ZNF529: variants seen among roughly 807,000 people sequenced by gnomAD.
The protein encoded by ZNF529 is zinc finger protein 529.
A neutral mutation model predicts 10.1 loss-of-function variants in ZNF529; 11 were observed. The observed-to-expected ratio is 1.09, with a 90% confidence interval of 0.69 to 1.81. The LOEUF (loss-of-function observed/expected upper bound fraction) is 1.81, where lower values mean the gene tolerates loss of function less well. ZNF529 is among the 40% of genes most tolerant of loss of function. The pLI is 0.00. For synonymous variants in ZNF529, 204 were observed against 215.7 expected (o/e 0.95, Z 0.47); for missense variants, 624 against 666.8 (o/e 0.94, Z 0.71).
chr19:36,567,448 T>A (rs979686552), intron 2 of ZNF529, among the ~76,000 whole-genome samples: 1 of 151,226 alleles, frequency 6.6e-6, no homozygotes, highest in African/African-American at 2.4e-5. Flanking sequence ...AATGGATTCT[T>A]TTTTTTTTGA....
In ZNF529 at chr19:36,546,986, A is replaced by G. The variant is rs1240724679; in HGVS notation, c.1572T>C (p.His524=). ...GTTTATCATCAGTATGAATGCGCTG[A>G]TGTTTGGTAAAGGATGAACTATGTC... ...AFRHSSSFTK[H]QRIHTDDKPY... The change falls in exon 5 of 5, where the codon CAT becomes CAC. Residue 524 remains histidine (H), a synonymous_variant. Transcript: ENST00000591340. 1 of 1,613,910 alleles carries G rather than the reference A, an allele frequency of 6.2e-7. No homozygotes were observed. The highest frequency in any genetic ancestry group is 8.5e-7 in the Non-Finnish European group (1 of 1,179,956).
At chr19:36,581,431 A>G (rs940503515) in intron 2 of ZNF529, 1 of 152,264 alleles carries the variant, frequency 6.6e-6, no homozygotes, top group Non-Finnish European at 1.5e-5. Context: ...AGAAATTCAT[A>G]GCAGCATTAT....
intron 1 of ZNF529, among the ~76,000 whole-genome samples, chr19:36,596,861 C>G (rs1157392152): frequency 6.6e-6 from 1 of 151,950 alleles, no homozygotes; most frequent in African/African-American, 2.4e-5. Flanking sequence ...AAAAGTGTGT[C>G]AGCTACTAAA....
At chr19:36,564,097 T>C (rs1335738956) in intron 2 of ZNF529, among the ~76,000 whole-genome samples, 1 of 152,150 alleles carries the variant, frequency 6.6e-6, no homozygotes, top group Non-Finnish European at 1.5e-5. Context: ...TTTCAACATA[T>C]ACAAAAATTA....
In ZNF529 at chr19:36,544,000, A is replaced by G. The variant is rs1241807514; in HGVS notation, c.*2866T>C. ...CATTAAATTGAATTCCTTCAAGGAC[A>G]TATAAAATTTAATGGTGCAGGACAG... On this transcript the variant is annotated 3_prime_UTR_variant, in exon 5 of 5. Coordinates refer to ENST00000591340, the MANE Select transcript of ZNF529 (RefSeq NM_020951.5). The G allele has an allele frequency of 6.6e-6, 1 of 151,994 alleles. No individual in the cohort carries two copies. The highest frequency in any genetic ancestry group is 1.5e-5 in the Non-Finnish European group (1 of 68,016). The allele number at this position is 151,994 out of a possible 1,614,324, so 9.4% of individuals were successfully genotyped here. A position where few individuals can be genotyped will look rare whatever the true frequency, so the allele number is the denominator to read the frequency against.
At chr19:36,560,257 CAAAAAAA>C (rs58196878) in intron 2 of ZNF529, among the ~76,000 whole-genome samples, 34 of 104,330 alleles carry the variant, frequency 3.3e-4, no homozygotes, top group South Asian at 9.2e-4. Context: ...AACTCCGTCT[CAAAAAAA>C]AAAAAAAAAA....
At chr19:36,588,734 G>A (rs2036636587) in intron 2 of ZNF529, among the ~76,000 whole-genome samples, 1 of 152,142 alleles carries the variant, frequency 6.6e-6, no homozygotes, top group African/African-American at 2.4e-5. Context: ...GCAAGAAGTG[G>A]GGAGAGAAGA....
At chr19:36,567,155 A>G (rs905035104) in intron 2 of ZNF529, among the ~76,000 whole-genome samples, 2 of 152,218 alleles carry the variant, frequency 1.3e-5, no homozygotes, top group Non-Finnish European at 2.9e-5. Context: ...AGATATATTC[A>G]TCAATGGAAT....
At chr19:36,554,824 G>A in intron 3 of ZNF529, 28 bp from the exon 4 acceptor site, 2 of 1,490,254 alleles carry the variant, frequency 1.3e-6, no homozygotes, top group Non-Finnish European at 9.0e-7. Flanking sequence ...TACATTACAG[G>A]TAAAATTTAA....
intron 2 of ZNF529, among the ~76,000 whole-genome samples, chr19:36,562,501 T>G (rs571191790): frequency 5.4e-4 from 82 of 152,094 alleles, no homozygotes; most frequent in Non-Finnish European, 7.8e-4. Context: ...ATGTAACATG[T>G]CCTCTCCAAA....
chr19:36,571,675 CAAA>C (rs5827961), intron 2 of ZNF529, among the ~76,000 whole-genome samples: 8 of 134,824 alleles, frequency 5.9e-5, no homozygotes, highest in Non-Finnish European at 7.9e-5. Flanking sequence ...AACTCTGTCT[CAAA>C]AAAAAAAAAA....
At chr19:36,553,930 T>C (rs2035358752) in intron 4 of ZNF529, among the ~76,000 whole-genome samples, 1 of 152,220 alleles carries the variant, frequency 6.6e-6, no homozygotes, top group African/African-American at 2.4e-5. Flanking sequence ...AGTCTATGTG[T>C]ATAAAGTGTA....
chr19:36,577,453 G>C (rs2036352833), upstream of ZNF529: 1 of 169,952 alleles, frequency 5.9e-6, no homozygotes, highest in Non-Finnish European at 1.3e-5. Flanking sequence ...CAGAGGAATG[G>C]GAGTAATCTG....
intron 2 of ZNF529, among the ~76,000 whole-genome samples, chr19:36,564,798 T>C (rs1296643410): frequency 6.6e-6 from 1 of 152,186 alleles, no homozygotes; most frequent in Non-Finnish European, 1.5e-5. Flanking sequence ...CATGCACTCA[T>C]GTTCATCACA....
chr19:36,548,747 G>A (rs1000263490), intron 4 of ZNF529, among the ~76,000 whole-genome samples: 22 of 152,210 alleles, frequency 1.4e-4, no homozygotes, highest in East Asian at 5.8e-4. Flanking sequence ...TTGCCTGGGC[G>A]TGTTGGCTCA....
upstream of ZNF529, among the ~76,000 whole-genome samples, chr19:36,576,846 A>G (rs561285211): frequency 4.4e-4 from 67 of 152,152 alleles, no homozygotes; most frequent in African/African-American, 1.5e-3. Context: ...TTTTATACAG[A>G]TAGTGATTTG....
intron 2 of ZNF529, among the ~76,000 whole-genome samples, chr19:36,584,757 ACT>A (rs1426064871): frequency 6.7e-6 from 1 of 148,464 alleles, no homozygotes; most frequent in Non-Finnish European, 1.5e-5. Flanking sequence ...ACAGAGGGAG[ACT>A]CTGTCTCAAA....
chr19:36,595,611 C>T (rs1281447397), intron 1 of ZNF529, among the ~76,000 whole-genome samples: 1 of 148,786 alleles, frequency 6.7e-6, no homozygotes, highest in Middle Eastern at 3.2e-3. Flanking sequence ...GCTACTTGAA[C>T]ACCTGAGCCC....
intron 1 of ZNF529, chr19:36,572,936 A>G (rs886258263): frequency 6.5e-6 from 1 of 153,968 alleles, no homozygotes; most frequent in African/African-American, 2.4e-5. Context: ...AAAAAAAACA[A>G]AAAAACACTT....
Sources: allele counts gnomAD v4.1 joint callset (sites outside exome capture counted in the v4.1 genomes callset), GRCh38; gene constraint gnomAD v4.1.1; transcripts MANE v1.5; gene names NCBI Gene and HGNC (gene_info 2026-07-23, HGNC 2026-07-21).